The following ULK4 variants were observed in gnomAD, a reference collection of about 807,000 sequenced individuals.
ULK4 encodes the protein unc-51 like kinase 4.
Under a neutral mutation model 160.6 loss-of-function variants are expected in ULK4, and 133 were observed. That is an observed-to-expected ratio of 0.83 (90% CI 0.72 to 0.96). The LOEUF is 0.96. Among genes scored for constraint, ULK4 ranks in the 40% least tolerant of loss-of-function variants. The probability of loss-of-function intolerance (pLI) is 0.00; values close to 1 mark genes in which losing one functional copy is unlikely to be tolerated. For synonymous variants in ULK4, 534 were observed against 539.8 expected (o/e 0.99, Z 0.15); for missense variants, 1,580 against 1,499.5 (o/e 1.05, Z -0.89).
At chr3:41,865,613 A>C (rs1439606980) in intron 17 of ULK4, among the ~76,000 whole-genome samples, 1 of 152,160 alleles carries the variant, frequency 6.6e-6, no homozygotes, top group Non-Finnish European at 1.5e-5. Flanking sequence ...GGCCCATCGG[A>C]AAGTTCCACA....
At chr3:41,674,980 G>A (rs1366980416) in intron 29 of ULK4, among the ~76,000 whole-genome samples, 3 of 152,070 alleles carry the variant, frequency 2.0e-5, no homozygotes, top group East Asian at 1.9e-4. Context: ...GGTGGCTCAC[G>A]CCTGTAATCT....
chr3:41,392,855 G>C (rs1205234587), intron 35 of ULK4, among the ~76,000 whole-genome samples: 1 of 152,126 alleles, frequency 6.6e-6, no homozygotes, highest in Non-Finnish European at 1.5e-5. Flanking sequence ...GATTGCCTCT[G>C]TTTCTCTATG....
At chr3:41,405,672 G>A (rs190588605) in intron 34 of ULK4, among the ~76,000 whole-genome samples, 104 of 152,304 alleles carry the variant, frequency 6.8e-4, no homozygotes, top group African/African-American at 2.5e-3. Context: ...TCTGAATGGT[G>A]TGAGATGGTA....
At chr3:41,714,062 T>C (rs755993155) in intron 25 of ULK4, among the ~76,000 whole-genome samples, 2 of 152,176 alleles carry the variant, frequency 1.3e-5, no homozygotes, top group African/African-American at 2.4e-5. Flanking sequence ...GAATTGTAAA[T>C]AGAAAAATCA....
chr3:41,866,584 C>T (rs576718355), intron 17 of ULK4, among the ~76,000 whole-genome samples: 1 of 152,320 alleles, frequency 6.6e-6, no homozygotes, highest in East Asian at 1.9e-4. Flanking sequence ...TGCTCACTGG[C>T]CCACCACTCA....
intron 1 of ULK4, among the ~76,000 whole-genome samples, chr3:41,958,741 T>C (rs1700569781): frequency 6.6e-6 from 1 of 151,620 alleles, no homozygotes; most frequent in Non-Finnish European, 1.5e-5. Context: ...AGGAAACTCA[T>C]TTTACAGATG....
chr3:41,868,871 A>C (rs1696995433), intron 17 of ULK4: 1 of 152,002 alleles, frequency 6.6e-6, no homozygotes, highest in Non-Finnish European at 1.5e-5. Context: ...TATTTAATAC[A>C]GTTATTAATA....
chr3:41,678,210 A>G (rs1382009067), intron 29 of ULK4, among the ~76,000 whole-genome samples: 1 of 151,398 alleles, frequency 6.6e-6, no homozygotes, highest in African/African-American at 2.4e-5. Context: ...ACACACACAC[A>G]CACACACACA....
At chr3:41,721,353 TATATATATA>T (rs1399739029) in intron 22 of ULK4, among the ~76,000 whole-genome samples, 1 of 66,390 alleles carries the variant, frequency 1.5e-5, no homozygotes, top group African/African-American at 7.7e-5. Context: ...TATATATATA[TATATATATA>T]TTTTTTTTTT....
intron 35 of ULK4, among the ~76,000 whole-genome samples, chr3:41,346,119 A>G (rs1342601042): frequency 6.6e-6 from 1 of 151,840 alleles, no homozygotes; most frequent in African/African-American, 2.4e-5. Context: ...CACACTCAAG[A>G]CTCCCGGCTT....
At chr3:41,961,260 G>A (rs1700656109) in intron 1 of ULK4, among the ~76,000 whole-genome samples, 1 of 152,136 alleles carries the variant, frequency 6.6e-6, no homozygotes. Context: ...GCACAATCAT[G>A]ACTCCCGCAC....
At chr3:41,672,548 T>C (rs1219873795) in intron 29 of ULK4, among the ~76,000 whole-genome samples, 1 of 152,044 alleles carries the variant, frequency 6.6e-6, no homozygotes, top group Non-Finnish European at 1.5e-5. Flanking sequence ...CTAGGGAGGA[T>C]GTATAGGTAG....
chr3:41,697,848 A>C (rs186939076), intron 27 of ULK4, among the ~76,000 whole-genome samples: 2 of 152,310 alleles, frequency 1.3e-5, no homozygotes, highest in East Asian at 3.9e-4. Context: ...TCATGTCTGC[A>C]GTAGTGTATA....
intron 35 of ULK4, among the ~76,000 whole-genome samples, chr3:41,314,136 C>A (rs959497483): frequency 1.4e-4 from 21 of 152,098 alleles, no homozygotes; most frequent in African/African-American, 4.8e-4. Flanking sequence ...TTCACTGAGC[C>A]CAACTCAAAC....
chr3:41,842,519 C>T (rs1313325015), intron 17 of ULK4, among the ~76,000 whole-genome samples: 2 of 152,114 alleles, frequency 1.3e-5, no homozygotes, highest in Non-Finnish European at 2.9e-5. Context: ...GGCTTAATGC[C>T]ATTCTTGTGG....
At chr3:41,592,252 G>A (rs2031386666) in intron 31 of ULK4, among the ~76,000 whole-genome samples, 1 of 151,882 alleles carries the variant, frequency 6.6e-6, no homozygotes, top group Non-Finnish European at 1.5e-5. Context: ...AGTCAATTTA[G>A]AGAGCTGAGT....
chr3:41,781,348 C>T (rs1462036493), intron 21 of ULK4, among the ~76,000 whole-genome samples: 7 of 149,494 alleles, frequency 4.7e-5, no homozygotes, highest in African/African-American at 1.5e-4. Flanking sequence ...ACCCAGGAGG[C>T]GGAGCTTGCA....
intron 34 of ULK4, among the ~76,000 whole-genome samples, chr3:41,406,309 T>G (rs2082293708): frequency 6.6e-6 from 1 of 152,220 alleles, no homozygotes; most frequent in Non-Finnish European, 1.5e-5. Context: ...GGTTCTCTAT[T>G]CTGTTTCATT....
chr3:41,941,755 CAAAAAAA>C lies in ULK4; in HGVS notation c.139-3565_139-3559del, dbSNP rs565727539. Among the ~76,000 whole-genome samples the C allele has an allele frequency of 8.2e-3, 251 of 30,752 alleles. 2 individuals are homozygous for C. The highest frequency in any genetic ancestry group is 0.017 in the African/African-American group (213 of 12,362). 20.2% of individuals were successfully genotyped at this position (30,752 alleles called of 152,430 possible). On this transcript the variant is annotated intron_variant, in intron 2 of 36. Coordinates refer to ENST00000301831, the MANE Select transcript of ULK4 (RefSeq NM_017886.4). ...TGAGTGACAGAGTGAGACTCTGTCT[CAAAAAAA>C]AAAAAAAAAAAAAAAAAGAGAAAGA...
Sources: allele counts gnomAD v4.1 joint callset (sites outside exome capture counted in the v4.1 genomes callset), GRCh38; gene constraint gnomAD v4.1.1; transcripts MANE v1.5; gene names NCBI Gene and HGNC (gene_info 2026-07-23, HGNC 2026-07-21).